ERI2: variants seen among roughly 807,000 people sequenced by gnomAD.
ERI2 encodes the protein ERI1 exoribonuclease 2.
Under a neutral mutation model 46.8 loss-of-function variants are expected in ERI2, and 35 were observed. The ratio of observed to expected loss-of-function variants is 0.75; its 90% CI spans 0.57 to 0.99. The LOEUF is 0.99. ERI2 is among the 50% of genes least tolerant of loss of function. The pLI is 0.00. For synonymous variants in ERI2, 224 were observed against 271.0 expected, an observed-to-expected ratio of 0.83 and a Z score of 1.70; for missense variants, 695 against 796.2, an observed-to-expected ratio of 0.87 and a Z score of 1.53.
intron 10 of ERI2, chr16:20,786,272 CATG>C: frequency 6.9e-7 from 1 of 1,451,808 alleles, no homozygotes; most frequent in Non-Finnish European, 9.1e-7. Flanking sequence ...ATTTTACTTC[CATG>C]ATACTTTAAT....
chr16:20,802,703 T>C (rs1205108213), intron 4 of ERI2, 93 bp downstream of exon 4: 2 of 1,401,142 alleles, frequency 1.4e-6, no homozygotes, highest in Admixed American at 4.8e-5. Context: ...TAAGCCATCA[T>C]GCCTAACACT....
At chr16:20,781,825 G>C in intron 10 of ERI2, 2 of 1,441,698 alleles carry the variant, frequency 1.4e-6, no homozygotes, top group South Asian at 2.3e-5. Context: ...AGTGGGGAGA[G>C]GGGAGAAGAG....
In ERI2 at chr16:20,796,626, G is replaced by A; in HGVS notation, c.*1098C>T. The A allele has an allele frequency of 1.3e-6, 2 of 1,509,770 alleles. No individual in the cohort carries two copies. Among genetic ancestry groups the A allele is most frequent in the Non-Finnish European group, 1.8e-6 (2 of 1,138,308 alleles). The allele number at this position is 1,509,770 out of a possible 1,614,324, so 93.5% of individuals were successfully genotyped here. On this transcript the variant is annotated 3_prime_UTR_variant, in exon 9 of 9. Coordinates refer to ENST00000357967, the MANE Select transcript of ERI2 (RefSeq NM_001142725.2). ...AACTGAACTGATGACATATGGGTAA[G>A]AATCAGAATCTTTGAGATTAAAATG... is the stretch of plus-strand genomic sequence containing the variant.
intron 10 of ERI2, chr16:20,785,046 C>G (rs1381034552): frequency 6.2e-7 from 1 of 1,613,572 alleles, no homozygotes; most frequent in Non-Finnish European, 8.5e-7. Context: ...CCTGACGTGA[C>G]TGAAAAATGG....
At chr16:20,802,721 T>A in intron 4 of ERI2, 75 bp downstream of exon 4, 1 of 1,482,776 alleles carries the variant, frequency 6.7e-7, no homozygotes, top group Non-Finnish European at 9.1e-7. Flanking sequence ...ACTAAATAAA[T>A]CTAATTTCAA....
chr16:20,788,178 G>A (rs2080515847), intron 10 of ERI2, among the ~76,000 whole-genome samples: 1 of 152,002 alleles, frequency 6.6e-6, no homozygotes, highest in African/African-American at 2.4e-5. Flanking sequence ...GCCCAAACAG[G>A]CTTAACAATA....
chr16:20,788,092 T>TTTTA (rs536487835), intron 10 of ERI2, among the ~76,000 whole-genome samples: 2 of 152,172 alleles, frequency 1.3e-5, no homozygotes, highest in Admixed American at 6.6e-5. Context: ...ACATTCCTCT[T>TTTTA]TTTATTTATT....
At chr16:20,806,186 C>T in intron 1 of ERI2, 1 of 1,396,370 alleles carries the variant, frequency 7.2e-7, no homozygotes, top group Non-Finnish European at 9.3e-7. Flanking sequence ...GTTCGTCCGC[C>T]TCGGGCTCCT....
chr16:20,792,094 T>A (rs909834908), downstream of ERI2: 5 of 1,614,034 alleles, frequency 3.1e-6, no homozygotes, highest in Non-Finnish European at 4.2e-6. Context: ...ATTTCTGGTT[T>A]GTTGCAAGAG....
Position 20,797,037 on chromosome 16 carries a change from A to G in ERI2, c.*687T>C. ...GTATCTGTCAATCTCTAGAAACCAC[A>G]AGATGATGGAGAGGTCATAAAAACT... On this transcript the variant is annotated 3_prime_UTR_variant, in exon 9 of 9. Transcript: ENST00000357967. 1 of 1,575,082 alleles carries G rather than the reference A, an allele frequency of 6.3e-7. No homozygotes were observed. Among genetic ancestry groups the G allele is most frequent in the Non-Finnish European group, 8.6e-7 (1 of 1,164,716 alleles).
At position 20,798,199 on chromosome 16, in the gene ERI2, C is replaced by G; in HGVS notation, c.1601G>C (p.Arg534Thr). 1 of 1,551,580 alleles carries G rather than the reference C, an allele frequency of 6.4e-7. No individual in the cohort carries two copies. The highest frequency in any genetic ancestry group is 8.7e-7 in the Non-Finnish European group (1 of 1,146,928). Residue 534 changes from arginine to threonine, a missense_variant, in exon 9 of 9, where the codon AGG becomes ACG. Physicochemically the swap from Arg to Thr is moderately conservative, Grantham distance 71. Coordinates refer to ENST00000357967, the MANE Select transcript of ERI2 (RefSeq NM_001142725.2). ...KHPLLSGGTKRNPCSPQAFPP... is the reference protein window; with the variant it reads ...KHPLLSGGTKTNPCSPQAFPP... The stretch of plus-strand genomic sequence containing the variant: ...GAAAGCTTGGGGACTGCATGGATTC[C>G]TTTTGGTACCACCTGAAAGAAGAGG...
chr16:20,789,684 CTTTTTTTTT>C (rs561663756), intron 9 of ERI2: 2 of 446,580 alleles, frequency 4.5e-6, no homozygotes, highest in African/African-American at 4.7e-5. Context: ...CTCTATTTTT[CTTTTTTTTT>C]TTTTTTTTTT....
Position 20,803,466 on chromosome 16 carries a change from T to C in ERI2, c.142A>G (p.Asn48Asp), listed in dbSNP as rs2080816999. Residue 48 changes from asparagine (N) to aspartate (D), a missense_variant, in exon 3 of 9, where the codon AAT becomes GAT. Asn to Asp is a conservative substitution (Grantham distance 23). Coordinates refer to ENST00000357967, the MANE Select transcript of ERI2 (RefSeq NM_001142725.2). ...IVIDFESTCW[N>D]DGKHHHSQEI... ...TGGCTATGGTGGTGCTTCCCATCAT[T>C]CCAGCATGTCGATTCAAAATCAATG... 6.2e-7 allele frequency: 1 copy of C among 1,613,926 alleles called. No individual in the cohort carries two copies. Among genetic ancestry groups the C allele is most frequent in the Admixed American group, 1.7e-5 (1 of 59,996 alleles).
intron 4 of ERI2, 92 bp downstream of exon 4, chr16:20,802,704 G>T: frequency 7.1e-7 from 1 of 1,416,906 alleles, no homozygotes; most frequent in Non-Finnish European, 9.4e-7. Flanking sequence ...AAGCCATCAT[G>T]CCTAACACTA....
intron 10 of ERI2, among the ~76,000 whole-genome samples, chr16:20,786,570 C>A (rs2080479576): frequency 6.6e-6 from 1 of 152,138 alleles, no homozygotes; most frequent in Non-Finnish European, 1.5e-5. Context: ...GTGGTCCCAG[C>A]TACTCAGAAG....
intron 8 of ERI2, chr16:20,791,018 C>T: frequency 7.0e-7 from 1 of 1,421,880 alleles, no homozygotes; most frequent in Non-Finnish European, 9.7e-7. Flanking sequence ...CCAGTTAGTG[C>T]TCTTTCTTTT....
In ERI2 at chr16:20,798,430, T is replaced by C. The variant is rs561476013; in HGVS notation, c.1370A>G (p.Asn457Ser). Reference protein sequence around the residue: ...LKELEMSSHENFGDIEETPQK... With the variant: ...LKELEMSSHESFGDIEETPQK... ...AGGAGTTTCCTCTATGTCTCCAAAG[T>C]TTTCATGACTTGACATTTCCAATTC... Residue 457 changes from asparagine to serine, a missense_variant, in exon 9 of 9, where the codon AAC (asparagine) becomes AGC (serine). By Grantham distance (46) the Asn-to-Ser change is conservative (BLOSUM62 1). Coordinates refer to ENST00000357967, the MANE Select transcript of ERI2 (RefSeq NM_001142725.2). 6.4e-7 allele frequency: 1 copy of C among 1,550,738 alleles called. No individual in the cohort carries two copies. The highest frequency in any genetic ancestry group is 2.4e-5 in the East Asian group (1 of 40,916).
chr16:20,794,118 T>C (rs1223986842), downstream of ERI2, among the ~76,000 whole-genome samples: 3 of 152,310 alleles, frequency 2.0e-5, no homozygotes, highest in East Asian at 5.8e-4. Flanking sequence ...AAAACGGCCA[T>C]GTGCTCCATG....
At chr16:20,803,887 C>G (rs970415103) in intron 1 of ERI2, among the ~76,000 whole-genome samples, 1 of 152,168 alleles carries the variant, frequency 6.6e-6, no homozygotes, top group Non-Finnish European at 1.5e-5. Context: ...GGGTCTTGCT[C>G]TGTCACGTAG....
Sources: gnomAD v4.1 joint callset for allele counts (sites outside exome capture counted in the v4.1 genomes callset) on GRCh38, gnomAD v4.1.1 for gene constraint, MANE v1.5 for transcripts, NCBI Gene and HGNC (gene_info 2026-07-23, HGNC 2026-07-21) for gene names.